Variants in AP4E1 observed in about 807,000 individuals in gnomAD.
AP4E1 encodes the protein adaptor related protein complex 4 subunit epsilon 1.
A neutral mutation model predicts 128.2 loss-of-function variants in AP4E1; 56 were observed. That is an observed-to-expected ratio of 0.44 (90% CI 0.35 to 0.55). The LOEUF (loss-of-function observed/expected upper bound fraction) is 0.55. AP4E1 is among the 20% of genes least tolerant of loss of function. AP4E1 has a pLI of 0.00. For missense variants in AP4E1, 1,324 were observed against 1,307.7 expected, an observed-to-expected ratio of 1.01 and a Z score of -0.19; for synonymous variants, 484 against 473.1, an observed-to-expected ratio of 1.02 and a Z score of -0.30.
intron 14 of AP4E1, among the ~76,000 whole-genome samples, chr15:50,966,006 C>T (rs891126114): frequency 6.6e-6 from 1 of 152,130 alleles, no homozygotes; most frequent in African/African-American, 2.4e-5. Flanking sequence ...TAACCTCTGC[C>T]TCCCGGGTTC....
intron 3 of AP4E1, among the ~76,000 whole-genome samples, chr15:50,923,269 G>A (rs749410669): frequency 6.6e-6 from 1 of 152,116 alleles, no homozygotes; most frequent in Non-Finnish European, 1.5e-5. Flanking sequence ...TTGTTATAGT[G>A]TTAATATATT....
intron 2 of AP4E1, among the ~76,000 whole-genome samples, chr15:50,913,257 T>C (rs942922659): frequency 7.9e-5 from 12 of 152,252 alleles, no homozygotes; most frequent in African/African-American, 2.9e-4. Context: ...TGTTTGTGTG[T>C]ATACATGTAT....
intron 14 of AP4E1, among the ~76,000 whole-genome samples, chr15:50,967,183 G>A (rs2140892024): frequency 6.6e-6 from 1 of 152,262 alleles, no homozygotes; most frequent in East Asian, 1.9e-4. Context: ...TAAATCAAAG[G>A]CACTGTGGGA....
rs1000919379 is a variant in AP4E1 at position 50,941,546 on chromosome 15, A to G, written c.1048A>G (p.Ile350Val). ...TGGAAAATTTGTTCTGTCACCTAAA[A>G]TAAATCTAAAATATTTAGGTAAGAT... ...CIGKFVLSPK[I>V]NLKYLGLKAL... is the part of the protein sequence containing the mutation. Residue 350 changes from isoleucine (I) to valine (V), a missense_variant, in exon 9 of 21, where the codon ATA becomes GTA. Transcript: ENST00000261842. 8 of 1,612,872 alleles carry G rather than the reference A, an allele frequency of 5.0e-6. No homozygotes were observed. Among genetic ancestry groups the G allele is most frequent in the Non-Finnish European group, 6.8e-6 (8 of 1,179,522 alleles).
At chr15:50,939,896 A>G (rs2063959616) in intron 8 of AP4E1, among the ~76,000 whole-genome samples, 1 of 152,224 alleles carries the variant, frequency 6.6e-6, no homozygotes, top group African/African-American at 2.4e-5. Context: ...AGAGGGCCAG[A>G]TAGTAAATAT....
chr15:50,983,715 G>A (rs559470926), intron 15 of AP4E1, among the ~76,000 whole-genome samples: 2 of 152,252 alleles, frequency 1.3e-5, no homozygotes, highest in South Asian at 2.1e-4. Context: ...CGACTTTTCA[G>A]TAGACTTGGT....
At chr15:50,991,930 T>A (rs2064810956) in intron 16 of AP4E1, among the ~76,000 whole-genome samples, 1 of 151,824 alleles carries the variant, frequency 6.6e-6, no homozygotes, top group African/African-American at 2.4e-5. Context: ...ACAGAGATGC[T>A]TAAATAAGTC....
intron 16 of AP4E1, among the ~76,000 whole-genome samples, chr15:50,986,524 T>C (rs2140918689): frequency 1.3e-5 from 2 of 152,342 alleles, no homozygotes; most frequent in East Asian, 3.9e-4. Flanking sequence ...TGAAGCGCTG[T>C]TGAATTTTGT....
At chr15:50,919,359 C>G (rs2063666296) in intron 3 of AP4E1, among the ~76,000 whole-genome samples, 1 of 151,142 alleles carries the variant, frequency 6.6e-6, no homozygotes, top group Non-Finnish European at 1.5e-5. Context: ...ATGGAGAAAC[C>G]CTGTCTCTAC....
At chr15:50,943,112 A>C (rs1479718800) in intron 10 of AP4E1, among the ~76,000 whole-genome samples, 2 of 152,030 alleles carry the variant, frequency 1.3e-5, no homozygotes, top group Non-Finnish European at 2.9e-5. Flanking sequence ...ATGTGTACCC[A>C]TTGTTTAGCT....
chr15:50,977,441 C>T (rs948011832), intron 15 of AP4E1, among the ~76,000 whole-genome samples: 1 of 152,120 alleles, frequency 6.6e-6, no homozygotes, highest in Non-Finnish European at 1.5e-5. Flanking sequence ...AACGCTCAAA[C>T]TAGATTCTCC....
At position 50,948,086 on chromosome 15, in the gene AP4E1, G is replaced by T. The variant is rs1279114848; in HGVS notation, c.1243G>T (p.Glu415Ter). The T allele has an allele frequency of 6.2e-7, 1 of 1,613,612 alleles. No individual in the cohort carries two copies. Among genetic ancestry groups the T allele is most frequent in the Non-Finnish European group, 8.5e-7 (1 of 1,179,690 alleles). The stretch of plus-strand genomic sequence containing the variant: ...AACAGTTATTGTCCAGAAAATGCTT[G>T]AATATTTACATCAGAGCAAAGAAGA... Reference protein sequence around the residue: ...NITVIVQKMLEYLHQSKEEYV... With the variant: ...NITVIVQKML Residue 415 changes from glutamate (E) to a stop codon, truncating the protein, a stop_gained, in exon 11 of 21, where the codon GAA becomes TAA. Transcript: ENST00000261842. LOFTEE classifies it high-confidence loss of function.
chr15:50,959,059 A>G (rs1030713734), intron 14 of AP4E1, among the ~76,000 whole-genome samples: 8 of 152,088 alleles, frequency 5.3e-5, no homozygotes, highest in Non-Finnish European at 1.2e-4. Context: ...TAAAAGTGCA[A>G]AATTAGCTGG....
At chr15:50,987,665 A>C (rs1464120924) in intron 16 of AP4E1, among the ~76,000 whole-genome samples, 1 of 152,164 alleles carries the variant, frequency 6.6e-6, no homozygotes, top group Non-Finnish European at 1.5e-5. Context: ...GTGATCTGAG[A>C]GACAGTTTGT....
intron 16 of AP4E1, among the ~76,000 whole-genome samples, chr15:50,985,307 C>A (rs754056550): frequency 1.9e-4 from 29 of 152,022 alleles, no homozygotes; most frequent in East Asian, 3.9e-4. Flanking sequence ...GAAGCTCTTT[C>A]GTTTAATTAG....
At chr15:50,984,231 A>G in intron 16 of AP4E1, 86 bp downstream of exon 16, 4 of 1,460,548 alleles carry the variant, frequency 2.7e-6, no homozygotes, top group Non-Finnish European at 2.9e-6. Flanking sequence ...CCTGCCTCAT[A>G]TCATCATGGT....
chr15:50,972,006 CAT>C (rs994939639), intron 15 of AP4E1, among the ~76,000 whole-genome samples: 6 of 151,986 alleles, frequency 3.9e-5, no homozygotes, highest in African/African-American at 1.4e-4. Context: ...TTGGTAGTGA[CAT>C]GTTTCTTTTT....
chr15:50,941,776 G>T lies in AP4E1; in HGVS notation c.1176+1G>T. On this transcript the variant is annotated splice_donor_variant, in intron 10 of 20. Coordinates refer to ENST00000261842, the MANE Select transcript of AP4E1 (RefSeq NM_007347.5). LOFTEE classifies it high-confidence loss of function. The stretch of plus-strand genomic sequence containing the variant: ...TCCTGATCCCATTATTAAAAGAGAG[G>T]TAAACTGGTATTTTGAATAGTATAT... 1 of 1,599,820 alleles carries T rather than the reference G, an allele frequency of 6.3e-7. No individual in the cohort carries two copies. The highest frequency in any genetic ancestry group is 8.6e-7 in the Non-Finnish European group (1 of 1,167,442).
chr15:50,913,315 T>A (rs754573066), intron 2 of AP4E1, among the ~76,000 whole-genome samples: 16 of 152,264 alleles, frequency 1.1e-4, no homozygotes, highest in Non-Finnish European at 1.9e-4. Flanking sequence ...TAGTACTAGA[T>A]AGAAACGTTA....
Sources: gnomAD v4.1 joint callset for allele counts (sites outside exome capture counted in the v4.1 genomes callset) on GRCh38, gnomAD v4.1.1 for gene constraint, MANE v1.5 for transcripts, NCBI Gene and HGNC (gene_info 2026-07-23, HGNC 2026-07-21) for gene names.